COG5: variants seen among roughly 807,000 people sequenced by gnomAD.
COG5 encodes the protein conserved oligomeric Golgi complex subunit 5.
A neutral mutation model predicts 110.4 loss-of-function variants in COG5; 86 were observed. The ratio of observed to expected loss-of-function variants is 0.78; its 90% confidence interval spans 0.65 to 0.93. The LOEUF is 0.93. Among genes scored for constraint, COG5 ranks in the 40% least tolerant of loss-of-function variants. COG5 has a pLI of 0.00. For synonymous variants in COG5, 360 were observed against 334.6 expected, an observed-to-expected ratio of 1.08 and a Z score of -0.83; for missense variants, 1,077 against 987.0, an observed-to-expected ratio of 1.09 and a Z score of -1.22.
chr7:107,291,713 G>A (rs1806190881), intron 12 of COG5, among the ~76,000 whole-genome samples: 1 of 152,148 alleles, frequency 6.6e-6, no homozygotes, highest in Non-Finnish European at 1.5e-5. Flanking sequence ...ATCTACAAAG[G>A]AGCTAATTGT....
At chr7:107,528,889 C>T (rs1227399609) in intron 5 of COG5, among the ~76,000 whole-genome samples, 5 of 152,080 alleles carry the variant, frequency 3.3e-5, no homozygotes, top group Non-Finnish European at 7.4e-5. Context: ...ACAAGCAATA[C>T]ACCGTATGTA....
At position 107,234,257 on chromosome 7, in the gene COG5, A is replaced by C. The variant is rs1488663991; in HGVS notation, c.2091+2193T>G. On this transcript the variant is annotated intron_variant, in intron 18 of 21. Coordinates refer to ENST00000297135, the MANE Select transcript of COG5 (RefSeq NM_006348.5). ...TGTAAATGCTTCTTCTATGTTTAAA[A>C]AACAGGAAACAAGAGGCCTTTGAGC... Among the ~76,000 whole-genome samples, 5 of 152,226 alleles carry C rather than the reference A, an allele frequency of 3.3e-5. No individual in the cohort carries two copies. In the East Asian group the frequency reaches 5.8e-4, roughly 18 times the overall value.
At chr7:107,482,436 A>G (rs1323849938) in intron 6 of COG5, among the ~76,000 whole-genome samples, 2 of 152,090 alleles carry the variant, frequency 1.3e-5, no homozygotes, top group Non-Finnish European at 2.9e-5. Flanking sequence ...GTGAGCCACC[A>G]AGCCCAACCA....
At chr7:107,219,897 C>T (rs1206701455) in intron 19 of COG5, among the ~76,000 whole-genome samples, 4 of 152,110 alleles carry the variant, frequency 2.6e-5, no homozygotes, top group Non-Finnish European at 5.9e-5. Context: ...TCATCCCACA[C>T]GGTACACATA....
intron 2 of COG5, among the ~76,000 whole-genome samples, chr7:107,556,797 T>TA (rs1193256651): frequency 1.3e-5 from 2 of 150,928 alleles, no homozygotes; most frequent in African/African-American, 4.9e-5. Flanking sequence ...TGAGACGGAG[T>TA]CTTGCTCTTG....
chr7:107,322,223 CA>C (rs1257311260), intron 11 of COG5, among the ~76,000 whole-genome samples: 2 of 152,110 alleles, frequency 1.3e-5, no homozygotes, highest in African/African-American at 2.4e-5. Flanking sequence ...GTGATGAGGT[CA>C]GGGGGAGAAA....
chr7:107,528,731 C>T (rs560707407), intron 5 of COG5, among the ~76,000 whole-genome samples: 4 of 152,030 alleles, frequency 2.6e-5, no homozygotes, highest in Non-Finnish European at 5.9e-5. Flanking sequence ...GGACATCTCC[C>T]CTGTTTAAGG....
chr7:107,509,923 C>CG (rs1799368423), intron 6 of COG5, among the ~76,000 whole-genome samples: 1 of 152,088 alleles, frequency 6.6e-6, no homozygotes, highest in Non-Finnish European at 1.5e-5. Context: ...AAGGAACAAC[C>CG]GGTACCAGCC....
At chr7:107,461,452 C>A (rs527642935) in intron 6 of COG5, among the ~76,000 whole-genome samples, 19 of 151,950 alleles carry the variant, frequency 1.3e-4, no homozygotes, top group Non-Finnish European at 2.8e-4. Flanking sequence ...CCATAAAAAC[C>A]GTATACCTAG....
chr7:107,473,943 C>A, intron 6 of COG5: 1 of 440,554 alleles, frequency 2.3e-6, no homozygotes, highest in Non-Finnish European at 3.8e-6. Context: ...AAACTAAGTA[C>A]ACAATTGAAA....
chr7:107,242,477 C>T (rs1349029945), intron 17 of COG5, among the ~76,000 whole-genome samples: 1 of 152,224 alleles, frequency 6.6e-6, no homozygotes, highest in Non-Finnish European at 1.5e-5. Context: ...AGGCCTGGGC[C>T]TCCAGCCATC....
chr7:107,258,544 G>A, intron 14 of COG5, 161 bp from the exon 15 acceptor site: 1 of 652,028 alleles, frequency 1.5e-6, no homozygotes, highest in Non-Finnish European at 2.8e-6. Flanking sequence ...AAATATTCAG[G>A]TCAACTTAAA....
intron 11 of COG5, among the ~76,000 whole-genome samples, chr7:107,300,284 T>C (rs183413817): frequency 1.3e-5 from 2 of 152,216 alleles, no homozygotes; most frequent in Admixed American, 6.5e-5. Context: ...ACAACAATGT[T>C]AGTTTTCCCC....
At chr7:107,280,116 T>C (rs531563672) in intron 14 of COG5, among the ~76,000 whole-genome samples, 1 of 152,122 alleles carries the variant, frequency 6.6e-6, no homozygotes, top group Non-Finnish European at 1.5e-5. Flanking sequence ...ACCATGTTTT[T>C]GAAGCAGTGA....
chr7:107,536,901 A>G (rs10267978), intron 5 of COG5, among the ~76,000 whole-genome samples: 91,261 of 152,048 alleles, frequency 0.6, 30,129 homozygotes, highest in African/African-American at 0.9. Flanking sequence ...CATGGTACTG[A>G]TACCAAAACA....
chr7:107,376,710 A>G (rs1306258414), intron 7 of COG5, among the ~76,000 whole-genome samples: 1 of 152,016 alleles, frequency 6.6e-6, no homozygotes, highest in Non-Finnish European at 1.5e-5. Flanking sequence ...AAGAAATAAG[A>G]GTGGTTTTTT....
chr7:107,294,668 C>T (rs1806445907), intron 12 of COG5, among the ~76,000 whole-genome samples: 1 of 150,450 alleles, frequency 6.6e-6, no homozygotes, highest in African/African-American at 2.4e-5. Context: ...TCCAGCTGCA[C>T]TGGCTTCTTT....
chr7:107,483,559 C>G (rs1407917287), intron 6 of COG5, among the ~76,000 whole-genome samples: 1 of 151,892 alleles, frequency 6.6e-6, no homozygotes, highest in Non-Finnish European at 1.5e-5. Flanking sequence ...ACAAAATTAG[C>G]CGGGTGTGGT....
intron 6 of COG5, among the ~76,000 whole-genome samples, chr7:107,439,516 T>G (rs1794580009): frequency 6.6e-6 from 1 of 152,056 alleles, no homozygotes; most frequent in African/African-American, 2.4e-5. Context: ...AAAATTACAT[T>G]TATAACTTTA....
Sources: gnomAD v4.1 joint callset for allele counts (sites outside exome capture counted in the v4.1 genomes callset) on GRCh38, gnomAD v4.1.1 for gene constraint, MANE v1.5 for transcripts, NCBI Gene and HGNC (gene_info 2026-07-23, HGNC 2026-07-21) for gene names.